The following EEFSEC variants were observed in gnomAD, a reference collection of about 807,000 sequenced individuals.
EEFSEC encodes selenocysteine-specific elongation factor.
In EEFSEC, 43 loss-of-function variants were observed where a neutral mutation model predicts 42.1. The ratio of observed to expected loss-of-function variants is 1.02; its 90% CI spans 0.80 to 1.32. The LOEUF is 1.32. Ranked by LOEUF, EEFSEC falls within the 40% of genes most tolerant of loss-of-function variation. EEFSEC has a pLI of 0.00. For missense variants in EEFSEC, 745 were observed against 803.6 expected (o/e 0.93, Z 0.88); for synonymous variants, 354 against 339.1 (o/e 1.04, Z -0.48).
chr3:128,400,218 A>G (rs1325681446), intron 6 of EEFSEC, among the ~76,000 whole-genome samples: 1 of 152,202 alleles, frequency 6.6e-6, no homozygotes, highest in Non-Finnish European at 1.5e-5. Context: ...TGGCCTGTGC[A>G]GGGCAGCTTC....
At chr3:128,237,682 G>A (rs2066027254) in intron 1 of EEFSEC, among the ~76,000 whole-genome samples, 1 of 152,140 alleles carries the variant, frequency 6.6e-6, no homozygotes, top group South Asian at 2.1e-4. Context: ...CCTTTTGGCG[G>A]GGGTCCAACA....
Position 128,208,194 on chromosome 3 carries a change from G to A in EEFSEC, c.317-38642G>A, listed in dbSNP as rs577587234. Among the ~76,000 whole-genome samples the A allele has an allele frequency of 7.9e-5, 12 of 152,312 alleles. No homozygotes were observed. In the South Asian group the frequency reaches 2.3e-3, roughly 29 times the overall value. On this transcript the variant is annotated intron_variant, in intron 1 of 6. Transcript: ENST00000254730. ...TGCCTCAAGTTTCCAGCACAGGCTG[G>A]TCTCTGCCTCTAAGTGGCGGATGGT...
intron 4 of EEFSEC, among the ~76,000 whole-genome samples, chr3:128,310,886 C>T (rs1312214135): frequency 6.6e-6 from 1 of 152,218 alleles, no homozygotes; most frequent in Non-Finnish European, 1.5e-5. Flanking sequence ...CTCAGCTGGT[C>T]TCAGCAGTAC....
intron 1 of EEFSEC, among the ~76,000 whole-genome samples, chr3:128,217,978 G>A (rs953283976): frequency 2.6e-4 from 39 of 152,288 alleles, no homozygotes; most frequent in African/African-American, 9.1e-4. Flanking sequence ...GGGGGTTAAG[G>A]GGTTTGCTCA....
chr3:128,238,321 T>C (rs570615049), intron 1 of EEFSEC, among the ~76,000 whole-genome samples: 21 of 152,336 alleles, frequency 1.4e-4, no homozygotes, highest in African/African-American at 4.8e-4. Context: ...CATGTGCTAA[T>C]TCATGGAGAT....
intron 1 of EEFSEC, among the ~76,000 whole-genome samples, chr3:128,235,667 C>T (rs1415466008): frequency 6.6e-6 from 1 of 152,202 alleles, no homozygotes; most frequent in Non-Finnish European, 1.5e-5. Flanking sequence ...GAATAGTTAC[C>T]GTGGTGTTTT....
intron 5 of EEFSEC, among the ~76,000 whole-genome samples, chr3:128,356,806 A>G (rs934619689): frequency 6.6e-6 from 1 of 152,086 alleles, no homozygotes; most frequent in Non-Finnish European, 1.5e-5. Context: ...CTTCTTTTTA[A>G]CGTGAAACAC....
chr3:128,332,349 A>G (rs1179512438), intron 4 of EEFSEC, among the ~76,000 whole-genome samples: 1 of 152,246 alleles, frequency 6.6e-6, no homozygotes, highest in Admixed American at 6.5e-5. Context: ...TGGGACCAGA[A>G]GTGTTTCGAT....
At chr3:128,208,452 G>A (rs1337449906) in intron 1 of EEFSEC, among the ~76,000 whole-genome samples, 1 of 152,208 alleles carries the variant, frequency 6.6e-6, no homozygotes, top group Admixed American at 6.5e-5. Flanking sequence ...TGAAACTGTA[G>A]ACAAACTCTA....
intron 4 of EEFSEC, among the ~76,000 whole-genome samples, chr3:128,274,565 A>T: frequency 1.3e-5 from 2 of 152,204 alleles, no homozygotes; most frequent in East Asian, 1.9e-4. Flanking sequence ...GCCCTGGCCC[A>T]GGGTGGCCTT....
intron 4 of EEFSEC, among the ~76,000 whole-genome samples, chr3:128,339,785 G>A (rs536341569): frequency 1.3e-4 from 20 of 152,266 alleles, no homozygotes; most frequent in African/African-American, 4.6e-4. Flanking sequence ...AAAAAAAGAG[G>A]TTTAATGGAC....
intron 4 of EEFSEC, among the ~76,000 whole-genome samples, chr3:128,335,051 G>A (rs2067175390): frequency 6.6e-6 from 1 of 152,248 alleles, no homozygotes; most frequent in Admixed American, 6.5e-5. Context: ...GGACCACCCT[G>A]TTCCTGCAGC....
At chr3:128,343,631 A>G (rs1426915788) in intron 5 of EEFSEC, among the ~76,000 whole-genome samples, 2 of 152,200 alleles carry the variant, frequency 1.3e-5, no homozygotes, top group African/African-American at 4.8e-5. Context: ...TAATATCCCA[A>G]TTGGTGTGGC....
chr3:128,363,990 G>A (rs993200355), intron 6 of EEFSEC, among the ~76,000 whole-genome samples: 2 of 152,026 alleles, frequency 1.3e-5, no homozygotes, highest in African/African-American at 4.8e-5. Context: ...GGGAGGGCTC[G>A]AGTTTCCTGA....
chr3:128,255,860 C>T (rs1350267816), intron 2 of EEFSEC, among the ~76,000 whole-genome samples: 2 of 151,904 alleles, frequency 1.3e-5, no homozygotes, highest in African/African-American at 4.8e-5. Flanking sequence ...GGGGCCGGGG[C>T]TGGGGTATCA....
At chr3:128,353,372 C>A (rs1265411320) in intron 5 of EEFSEC, among the ~76,000 whole-genome samples, 2 of 152,160 alleles carry the variant, frequency 1.3e-5, no homozygotes, top group East Asian at 3.9e-4. Context: ...GCTGACTGGG[C>A]TGGAACACCT....
chr3:128,398,738 G>A (rs1179307044), intron 6 of EEFSEC, among the ~76,000 whole-genome samples: 1 of 152,188 alleles, frequency 6.6e-6, no homozygotes, highest in African/African-American at 2.4e-5. Flanking sequence ...TCGCAGCTGT[G>A]TGAGCCCCAG....
At chr3:128,204,618 C>T (rs959804649) in intron 1 of EEFSEC, among the ~76,000 whole-genome samples, 6 of 152,072 alleles carry the variant, frequency 3.9e-5, no homozygotes, top group African/African-American at 1.4e-4. Context: ...TTAACAAATA[C>T]GATGCTCCCA....
intron 2 of EEFSEC, among the ~76,000 whole-genome samples, chr3:128,258,507 G>A (rs533640449): frequency 1.7e-4 from 26 of 152,298 alleles, no homozygotes; most frequent in African/African-American, 6.3e-4. Flanking sequence ...ATTGCTGTGA[G>A]GATTAAATGG....
Sources: gnomAD v4.1 joint callset for allele counts (sites outside exome capture counted in the v4.1 genomes callset) on GRCh38, gnomAD v4.1.1 for gene constraint, MANE v1.5 for transcripts, NCBI Gene and HGNC (gene_info 2026-07-23, HGNC 2026-07-21) for gene names.